A2ML1: variants seen among roughly 807,000 people sequenced by gnomAD.
A2ML1 encodes alpha-2-macroglobulin like 1.
In A2ML1, 161 loss-of-function variants were observed where a neutral mutation model predicts 181.9. The observed-to-expected ratio is 0.89, with a 90% CI of 0.78 to 1.01. A2ML1 has a LOEUF of 1.01. A2ML1 is among the 50% of genes least tolerant of loss of function. A2ML1 has a pLI of 0.00. For synonymous variants in A2ML1, 663 were observed against 666.8 expected, an observed-to-expected ratio of 0.99 and a Z score of 0.09; for missense variants, 1,670 against 1,768.1, an observed-to-expected ratio of 0.94 and a Z score of 1.00.
chr12:8,882,908 A>G (rs1207145816), intron 7 of A2ML1, among the ~76,000 whole-genome samples: 2 of 152,168 alleles, frequency 1.3e-5, no homozygotes, highest in Admixed American at 6.5e-5. Flanking sequence ...GCAGACTTTC[A>G]TGACTATTTT....
At chr12:8,871,823 C>T (rs1436570150) in intron 33 of A2ML1, among the ~76,000 whole-genome samples, 2 of 152,088 alleles carry the variant, frequency 1.3e-5, no homozygotes, top group East Asian at 1.9e-4. Flanking sequence ...TACACTCCCC[C>T]ACCGCCACAC....
intron 3 of A2ML1, among the ~76,000 whole-genome samples, chr12:8,824,224 T>G (rs1222782363): frequency 1.4e-5 from 1 of 70,472 alleles, no homozygotes; most frequent in East Asian, 7.3e-4. Flanking sequence ...CTACTGGGGT[T>G]TTTTTTTTTT....
At chr12:8,868,413 C>T (rs1944499389) in intron 31 of A2ML1, 56 bp downstream of exon 31, 1 of 1,603,824 alleles carries the variant, frequency 6.2e-7, no homozygotes, top group Admixed American at 1.7e-5. Flanking sequence ...AGGAGCTGAG[C>T]TGGGACACTT....
intron 33 of A2ML1, among the ~76,000 whole-genome samples, chr12:8,873,018 G>A (rs755296154): frequency 2.0e-5 from 3 of 151,752 alleles, no homozygotes; most frequent in African/African-American, 4.8e-5. Context: ...TTCCCCAGAA[G>A]GAAACAATCT....
At position 8,869,024 on chromosome 12, in the gene A2ML1, C is replaced by T. The variant is rs1323686112; in HGVS notation, c.4153-111C>T. 1.9e-5 allele frequency: 20 copies of T among 1,048,006 alleles called. 1 individual carries two copies. The highest frequency in any genetic ancestry group is 2.1e-5 in the Admixed American group (1 of 46,772). 64.9% of individuals were successfully genotyped at this position (1,048,006 alleles called of 1,614,324 possible). On this transcript the variant is annotated intron_variant, in intron 32 of 35. Transcript: ENST00000299698. The stretch of plus-strand genomic sequence containing the variant: ...TTGTAATAGTCTTGGTTCCCTTTTC[C>T]TACCTTTTCCACAGTATATATTGTT...
downstream of A2ML1, among the ~76,000 whole-genome samples, chr12:8,879,766 A>G (rs189569219): frequency 2.0e-3 from 304 of 152,332 alleles, 2 homozygotes; most frequent in Admixed American, 0.018. Context: ...AAAGGATGTT[A>G]ATGAGAACAT....
intron 33 of A2ML1, among the ~76,000 whole-genome samples, chr12:8,873,829 A>G (rs1381586288): frequency 6.6e-6 from 1 of 152,058 alleles, no homozygotes; most frequent in Admixed American, 6.6e-5. Context: ...CACTTTGACT[A>G]ATTTAGTGGA....
chr12:8,844,898 G>A (rs1042929756), intron 12 of A2ML1: 6 of 958,044 alleles, frequency 6.3e-6, no homozygotes, highest in Non-Finnish European at 8.2e-6. Context: ...CCCTGCAGGA[G>A]CGTGGGATGA....
downstream of A2ML1, among the ~76,000 whole-genome samples, chr12:8,878,074 G>A (rs1385029497): frequency 6.6e-6 from 1 of 152,060 alleles, no homozygotes; most frequent in African/African-American, 2.4e-5. The surrounding 1 kb of genome is among the most constrained non-coding windows in gnomAD (Gnocchi z 4.4). Context: ...AGGCCGAGGT[G>A]GGTGGATCAC....
chr12:8,835,919 A>G (rs1354023258), intron 6 of A2ML1, among the ~76,000 whole-genome samples: 1 of 149,828 alleles, frequency 6.7e-6, no homozygotes, highest in Non-Finnish European at 1.5e-5. Flanking sequence ...AGGCTGAGGC[A>G]GGAGAATGGC....
intron 7 of A2ML1, among the ~76,000 whole-genome samples, chr12:8,884,231 G>GTTTTTTTTTTTTTTT (rs796251871): frequency 8.2e-6 from 1 of 121,560 alleles, no homozygotes; most frequent in Non-Finnish European, 1.8e-5. Context: ...TTTATTTTTT[G>GTTTTTTTTTTTTTTT]TTTTTTTTTG....
intron 9 of A2ML1, among the ~76,000 whole-genome samples, chr12:8,838,870 G>A (rs775471020): frequency 3.4e-5 from 5 of 148,894 alleles, no homozygotes; most frequent in East Asian, 2.0e-4. Flanking sequence ...AGCCGAGATC[G>A]TGCCACTGCA....
rs1282727858 is a variant in A2ML1, at chr12:8,859,977, A to T, written c.3265-904A>T. Among the ~76,000 whole-genome samples the T allele has an allele frequency of 2.6e-5, 4 of 152,176 alleles. No individual in the cohort carries two copies. The East Asian group carries it at 7.7e-4, about 29-fold the overall frequency. ...TCCAGAGTTAAATGTCCTGGGTTCA[A>T]ATTCCAGTCCTGCTGCAGATGAGCC... On this transcript the variant is annotated intron_variant, in intron 26 of 35. Transcript: ENST00000299698.
intron 33 of A2ML1, among the ~76,000 whole-genome samples, chr12:8,872,903 T>C (rs994522570): frequency 1.3e-5 from 2 of 152,148 alleles, no homozygotes; most frequent in African/African-American, 2.4e-5. Flanking sequence ...GAGAATGAAA[T>C]TTTCCTATTT....
At chr12:8,826,625 T>C (rs940589787) in intron 3 of A2ML1, among the ~76,000 whole-genome samples, 10 of 152,140 alleles carry the variant, frequency 6.6e-5, no homozygotes, top group African/African-American at 2.4e-4. Context: ...TTTTTGTTTT[T>C]GTTTTTTTGT....
At position 8,837,519 on chromosome 12, in the gene A2ML1, G is replaced by A; in HGVS notation, c.808G>A (p.Val270Met). ...QKANTYWYREVEREQLPDKCR... is the reference protein window; with the variant it reads ...QKANTYWYREMEREQLPDKCR... ...GGCAAATACTTACTGGTATCGAGAGGTGGAACGGGAACAGCTTCCTGACAA... is the reference window on the plus strand; with the variant it reads ...GGCAAATACTTACTGGTATCGAGAGATGGAACGGGAACAGCTTCCTGACAA... Residue 270 changes from valine (V) to methionine (M), a missense_variant, in exon 8 of 36, where the codon GTG becomes ATG. Physicochemically the swap from Val to Met is conservative, Grantham distance 21. Transcript: ENST00000299698. 2 of 1,614,028 alleles carry A rather than the reference G, an allele frequency of 1.2e-6. No homozygotes were observed. The highest frequency in any genetic ancestry group is 1.7e-6 in the Non-Finnish European group (2 of 1,179,938).
chr12:8,866,467 T>C (rs1282341950), intron 29 of A2ML1, among the ~76,000 whole-genome samples: 1 of 152,034 alleles, frequency 6.6e-6, no homozygotes, highest in East Asian at 1.9e-4. Context: ...ATAATTATAA[T>C]ATATAATAAT....
At chr12:8,834,752 T>C in intron 5 of A2ML1, 70 bp downstream of exon 5, 2 of 1,590,828 alleles carry the variant, frequency 1.3e-6, no homozygotes, top group African/African-American at 2.7e-5. Flanking sequence ...GTGGTACACC[T>C]TGAAGACAGA....
chr12:8,885,140 G>T (rs775098436), intron 7 of A2ML1, among the ~76,000 whole-genome samples: 3 of 151,998 alleles, frequency 2.0e-5, no homozygotes, highest in Non-Finnish European at 4.4e-5. Context: ...CTTCAGTACC[G>T]CAAATATCTT....
Sources: gnomAD v4.1 joint callset for allele counts (sites outside exome capture counted in the v4.1 genomes callset) on GRCh38, gnomAD v4.1.1 for gene constraint, Gnocchi (gnomAD v3.1) non-coding constraint, MANE v1.5 for transcripts, NCBI Gene and HGNC (gene_info 2026-07-23, HGNC 2026-07-21) for gene names.